Variants in BRD3 observed in about 807,000 individuals in gnomAD.
BRD3 encodes bromodomain containing 3, also known as bromodomain-containing protein 3.
BRD3 carries 17 observed loss-of-function variants against 66.8 expected under a neutral mutation model. The observed-to-expected ratio is 0.25, with a 90% CI of 0.17 to 0.38. The LOEUF (loss-of-function observed/expected upper bound fraction) is 0.38. BRD3 is among the 10% of genes least tolerant of loss of function. BRD3 has a pLI of 1.00. For missense variants in BRD3, 713 were observed against 956.1 expected, an observed-to-expected ratio of 0.75 and a Z score of 3.35; for synonymous variants, 421 against 393.2, an observed-to-expected ratio of 1.07 and a Z score of -0.84.
chr9:134,032,974 G>A lies in BRD3; in HGVS notation c.*616C>T, dbSNP rs951020799. 4 of 394,784 alleles carry A rather than the reference G, an allele frequency of 1.0e-5. No individual in the cohort carries two copies. The highest frequency in any genetic ancestry group is 8.3e-5 in the African/African-American group (4 of 48,252). 24.5% of individuals were successfully genotyped at this position (394,784 alleles called of 1,614,324 possible). A position where few individuals can be genotyped will look rare whatever the true frequency, so the allele number is the denominator to read the frequency against. ...CGAGGAGCTCCTGACATCACCACGA[G>A]CGGAGAACGCACATCCCACCCGACC... On this transcript the variant is annotated 3_prime_UTR_variant, in exon 12 of 12. Coordinates refer to ENST00000303407, the MANE Select transcript of BRD3 (RefSeq NM_007371.4).
intron 4 of BRD3, among the ~76,000 whole-genome samples, chr9:134,051,222 G>A (rs766931359): frequency 6.6e-6 from 1 of 152,204 alleles, no homozygotes; most frequent in Non-Finnish European, 1.5e-5. Context: ...AGGGGAACAG[G>A]CCCCACGCGT....
chr9:134,066,706 G>T (rs2132465086), intron 1 of BRD3, among the ~76,000 whole-genome samples: 2 of 152,358 alleles, frequency 1.3e-5, no homozygotes, highest in South Asian at 4.1e-4. Context: ...GCTGCCTCTT[G>T]CAGTTCCAGC....
Position 134,053,431 on chromosome 9 carries a change from G to C in BRD3, c.47C>G (p.Pro16Arg). The C allele has an allele frequency of 6.2e-7, 1 of 1,610,862 alleles. No individual in the cohort carries two copies. The highest frequency in any genetic ancestry group is 8.5e-7 in the Non-Finnish European group (1 of 1,179,568). The stretch of plus-strand genomic sequence containing the variant: ...CGGGGGGGGTGGGTTCACAGGGCCC[G>C]GGGTCGCCGGGATCCCCGCGGGGGC... ...TVAPAGIPAT[P>R]GPVNPPPPEV... Residue 16 changes from proline (P) to arginine (R), a missense_variant, in exon 2 of 12, where the codon CCG becomes CGG. Around this residue, in one of 5 missense-constraint regions of BRD3, gnomAD observed 48 missense variants for 42.5 expected, o/e 1.13. Transcript: ENST00000303407.
At chr9:134,055,111 A>G (rs558765127) in intron 1 of BRD3, among the ~76,000 whole-genome samples, 2 of 152,272 alleles carry the variant, frequency 1.3e-5, no homozygotes, top group Non-Finnish European at 2.9e-5. Flanking sequence ...TGCGGAGGGC[A>G]GCCCCAGGCC....
chr9:134,041,757 C>T lies in BRD3; in HGVS notation c.1407+3G>A, dbSNP rs201679522. On this transcript the variant is annotated splice_donor_region_variant and intron_variant, in intron 8 of 11. Transcript: ENST00000303407. ...AACCCCACCCAAGCATGCCAGTGCC[C>T]ACCTGCTCCTGCAGCTCCGCCAGCC... 6.8e-6 allele frequency: 11 copies of T among 1,608,764 alleles called. No individual in the cohort carries two copies. Among genetic ancestry groups the T allele is most frequent in the African/African-American group, 1.3e-5 (1 of 74,882 alleles).
At chr9:134,051,889 G>GTTTTT (rs886259053) in intron 3 of BRD3, among the ~76,000 whole-genome samples, 180 bp from the exon 4 acceptor site, 1 of 59,020 alleles carries the variant, frequency 1.7e-5, no homozygotes, top group Admixed American at 1.6e-4. Context: ...TGTTTTTTTT[G>GTTTTT]TTTTTTTTTT....
In BRD3 at chr9:134,030,367, G is replaced by T. The variant is rs1395138081; in HGVS notation, c.*3223C>A. ...ACAAAACAAATGCCCCAGGAGAAGG[G>T]TCCATGATTACCAGAAACATCAAAG... is the stretch of plus-strand genomic sequence containing the variant. On this transcript the variant is annotated 3_prime_UTR_variant, in exon 12 of 12. Transcript: ENST00000303407. The T allele has an allele frequency of 5.9e-6, 1 of 169,514 alleles. No individual in the cohort carries two copies. Among genetic ancestry groups the T allele is most frequent in the African/African-American group, 2.5e-5 (1 of 39,702 alleles). The allele number at this position is 169,514 out of a possible 1,614,324, so 10.5% of individuals were successfully genotyped here. A position where few individuals can be genotyped will look rare whatever the true frequency, so the allele number is the denominator to read the frequency against.
intron 9 of BRD3, among the ~76,000 whole-genome samples, chr9:134,038,440 ATAT>A (rs1829974759): frequency 6.6e-6 from 1 of 152,042 alleles, no homozygotes; most frequent in Non-Finnish European, 1.5e-5. Flanking sequence ...AATCACTCAA[ATAT>A]TATATCCCAA....
intron 1 of BRD3, among the ~76,000 whole-genome samples, chr9:134,061,617 C>G (rs994968151): frequency 2.6e-5 from 4 of 152,226 alleles, no homozygotes; most frequent in African/African-American, 7.2e-5. Flanking sequence ...GTGTCCCTGA[C>G]TGGATGGCCC....
chr9:134,037,803 A>G (rs1829957839), intron 9 of BRD3, among the ~76,000 whole-genome samples: 1 of 152,206 alleles, frequency 6.6e-6, no homozygotes, highest in South Asian at 2.1e-4. Flanking sequence ...AAAAAAAGAC[A>G]CAAATTACCA....
chr9:134,035,879 T>C, intron 10 of BRD3, 153 bp downstream of exon 10: 2 of 1,109,618 alleles, frequency 1.8e-6, no homozygotes, highest in African/African-American at 1.6e-5. Flanking sequence ...AGCACAGATA[T>C]CCTCAGGGCA....
chr9:134,042,022 G>A, intron 7 of BRD3, 71 bp from the exon 8 acceptor site: 1 of 1,437,780 alleles, frequency 7.0e-7, no homozygotes, highest in Non-Finnish European at 9.2e-7. Context: ...GGGCCCTCAG[G>A]GTTTCTGAGG....
chr9:134,052,256 A>G (rs1451313117), intron 3 of BRD3, 50 bp downstream of exon 3: 1 of 1,601,336 alleles, frequency 6.2e-7, no homozygotes, highest in Non-Finnish European at 8.5e-7. Flanking sequence ...TGCGTTGCAC[A>G]GCGCCCCAAT....
At chr9:134,040,341 A>T (rs1830018384) in intron 8 of BRD3, 72 bp from the exon 9 acceptor site, 9 of 1,512,500 alleles carry the variant, frequency 6.0e-6, no homozygotes, top group Non-Finnish European at 6.2e-6. Context: ...GCGCCCTGGG[A>T]TTGGAGGGGG....
chr9:134,061,426 G>A (rs556512501), intron 1 of BRD3, among the ~76,000 whole-genome samples: 13 of 152,332 alleles, frequency 8.5e-5, no homozygotes, highest in African/African-American at 3.1e-4. Flanking sequence ...GGCAGGGAGG[G>A]GCAGGGCTAC....
chr9:134,050,958 A>G (rs561188027), intron 4 of BRD3, among the ~76,000 whole-genome samples: 2 of 152,334 alleles, frequency 1.3e-5, no homozygotes, highest in African/African-American at 4.8e-5. Context: ...GCCGTACTTA[A>G]GCCCCCAGCT....
chr9:134,041,184 A>G (rs1386327986), intron 8 of BRD3, among the ~76,000 whole-genome samples: 2 of 152,238 alleles, frequency 1.3e-5, no homozygotes, highest in Non-Finnish European at 2.9e-5. Flanking sequence ...GGGGTCCCAG[A>G]AATCATGCAT....
rs1843524482 is a variant in BRD3, at chr9:134,032,450, A to G, written c.*1140T>C. ...CTCCAAGTTTCATACAAAAAAAAAA[A>G]AAAAAAAAAACCACAAAGAAAAAAA... is the stretch of plus-strand genomic sequence containing the variant. On this transcript the variant is annotated 3_prime_UTR_variant, in exon 12 of 12. Transcript: ENST00000303407. 4.5e-6 allele frequency: 1 copy of G among 220,274 alleles called. No homozygotes were observed. 13.6% of individuals were successfully genotyped at this position (220,274 alleles called of 1,614,324 possible). A position where few individuals can be genotyped will look rare whatever the true frequency, so the allele number is the denominator to read the frequency against.
intron 1 of BRD3, among the ~76,000 whole-genome samples, chr9:134,059,941 G>C (rs1220341953): frequency 6.6e-6 from 1 of 152,190 alleles, no homozygotes; most frequent in Non-Finnish European, 1.5e-5. Context: ...TGGGGGACAG[G>C]CCTGGGGAGC....
Sources: gnomAD v4.1 joint callset for allele counts (sites outside exome capture counted in the v4.1 genomes callset) on GRCh38, gnomAD v4.1.1 for gene constraint, gnomAD v4.1.1 regional missense constraint, MANE v1.5 for transcripts, NCBI Gene and HGNC (gene_info 2026-07-23, HGNC 2026-07-21) for gene names.